Variants in NTRK3 observed in about 807,000 individuals in gnomAD.
NTRK3 encodes NT-3 growth factor receptor.
A neutral mutation model predicts 91.7 loss-of-function variants in NTRK3; 24 were observed. That is an observed-to-expected ratio of 0.26 (90% CI 0.19 to 0.37). The LOEUF is 0.37. NTRK3 is among the 10% of genes least tolerant of loss of function. The pLI is 1.00. For synonymous variants in NTRK3, 483 were observed against 404.0 expected (o/e 1.20, Z -2.34); for missense variants, 880 against 1,068.9 (o/e 0.82, Z 2.46).
At position 87,965,534 on chromosome 15, in the gene NTRK3, T is replaced by C. The variant is rs758968487; in HGVS notation, c.1586-24781A>G. Among the ~76,000 whole-genome samples, 19 of 152,254 alleles carry C rather than the reference T, an allele frequency of 1.2e-4. No individual in the cohort carries two copies. In the East Asian group the frequency reaches 1.4e-3, roughly 11 times the overall value. Reference sequence around the variant, plus strand: ...GCAACTGGGTGGGCCTGTAAGAGCATTGCCCCAGTGTGGAGACTGTCCAGC... The same window carrying C: ...GCAACTGGGTGGGCCTGTAAGAGCACTGCCCCAGTGTGGAGACTGTCCAGC... On this transcript the variant is annotated intron_variant, in intron 14 of 18. Coordinates refer to ENST00000394480, the Ensembl canonical transcript of NTRK3.
At chr15:87,949,432 G>A (rs1403611011) in intron 14 of NTRK3, among the ~76,000 whole-genome samples, 2 of 151,908 alleles carry the variant, frequency 1.3e-5, no homozygotes, top group Non-Finnish European at 2.9e-5. Context: ...TAGGCTAGAG[G>A]TAGCAGTCTA....
intron 13 of NTRK3, among the ~76,000 whole-genome samples, chr15:88,047,472 G>A (rs2080330522): frequency 6.6e-6 from 1 of 152,174 alleles, no homozygotes; most frequent in Middle Eastern, 3.4e-3. Flanking sequence ...ATGTATAAAT[G>A]CATATTATTT....
chr15:87,952,466 G>A (rs939658764), intron 14 of NTRK3, among the ~76,000 whole-genome samples: 1 of 152,080 alleles, frequency 6.6e-6, no homozygotes, highest in Non-Finnish European at 1.5e-5. Context: ...GTGTGCAGTG[G>A]AGCGCTGGTG....
intron 17 of NTRK3, among the ~76,000 whole-genome samples, chr15:87,915,529 T>A (rs1212779715): frequency 6.6e-6 from 1 of 152,240 alleles, no homozygotes; most frequent in East Asian, 1.9e-4. Flanking sequence ...CCTCCTGGGC[T>A]TCCAACAGAT....
At chr15:87,894,749 G>T (rs1206233492) in intron 17 of NTRK3, among the ~76,000 whole-genome samples, 1 of 152,100 alleles carries the variant, frequency 6.6e-6, no homozygotes, top group Non-Finnish European at 1.5e-5. Context: ...ACATATGCAA[G>T]AGGCTGCCAG....
intron 14 of NTRK3, among the ~76,000 whole-genome samples, chr15:88,015,024 C>T (rs2077130517): frequency 6.6e-6 from 1 of 152,212 alleles, no homozygotes; most frequent in African/African-American, 2.4e-5. Context: ...AGATCGCTCT[C>T]ATTTTCTACA....
chr15:88,009,017 C>G (rs1428177549), intron 14 of NTRK3, among the ~76,000 whole-genome samples: 1 of 152,146 alleles, frequency 6.6e-6, no homozygotes. Flanking sequence ...ATTTTGTTTT[C>G]TTTCTGCCTC....
chr15:88,016,240 G>C (rs2077223823), intron 14 of NTRK3, among the ~76,000 whole-genome samples: 1 of 152,128 alleles, frequency 6.6e-6, no homozygotes, highest in African/African-American at 2.4e-5. Flanking sequence ...GTTTTCTAAA[G>C]AGACATAGAG....
Position 87,907,632 on chromosome 15 carries a change from C to A in NTRK3, c.2133+21559G>T, listed in dbSNP as rs190970713. Among the ~76,000 whole-genome samples, 1,373 of 152,224 alleles carry A rather than the reference C, an allele frequency of 9.0e-3. 12 individuals are homozygous for A. Among genetic ancestry groups the A allele is most frequent in the Non-Finnish European group, 0.015 (1,009 of 68,012 alleles). On this transcript the variant is annotated intron_variant, in intron 17 of 18. Transcript: ENST00000394480. ...GCAGCCTCTGGCCTGTGGAAAGCCT[C>A]TCAAGATGGCAAGCAGAACTTGTGT...
At chr15:88,036,223 C>T (rs1467125318) in intron 13 of NTRK3, among the ~76,000 whole-genome samples, 1 of 151,980 alleles carries the variant, frequency 6.6e-6, no homozygotes, top group Non-Finnish European at 1.5e-5. Flanking sequence ...TATATCAAGG[C>T]ACACAATTAC....
intron 13 of NTRK3, among the ~76,000 whole-genome samples, chr15:88,055,681 A>T (rs2045614631): frequency 1.3e-5 from 2 of 152,190 alleles, no homozygotes; most frequent in Admixed American, 6.5e-5. Context: ...GCCCAAGTTC[A>T]CTCAATCAAC....
intron 13 of NTRK3, among the ~76,000 whole-genome samples, chr15:88,120,018 C>T (rs566644339): frequency 6.6e-6 from 1 of 152,296 alleles, no homozygotes; most frequent in East Asian, 1.9e-4. Context: ...GAAATGCCAA[C>T]CTACAGCATC....
intron 17 of NTRK3, among the ~76,000 whole-genome samples, chr15:87,918,873 G>A (rs536632270): frequency 1.3e-5 from 2 of 152,266 alleles, no homozygotes; most frequent in East Asian, 1.9e-4. Context: ...TCATGAGAGG[G>A]AAGTGTTAAC....
chr15:88,215,217 C>T (rs2049644917), intron 3 of NTRK3, among the ~76,000 whole-genome samples: 2 of 152,200 alleles, frequency 1.3e-5, no homozygotes, highest in Admixed American at 6.5e-5. Flanking sequence ...AAAAACATCC[C>T]GGTTTGTTCA....
intron 13 of NTRK3, among the ~76,000 whole-genome samples, chr15:88,075,131 G>A (rs1372687006): frequency 6.6e-6 from 1 of 152,152 alleles, no homozygotes; most frequent in Non-Finnish European, 1.5e-5. Context: ...CATGTAAACT[G>A]TACAGTGACC....
At chr15:87,932,188 T>C (rs2068859310) in intron 16 of NTRK3, among the ~76,000 whole-genome samples, 2 of 152,196 alleles carry the variant, frequency 1.3e-5, no homozygotes, top group South Asian at 4.1e-4. Flanking sequence ...CCAGTTACAT[T>C]AAGAGCCCTC....
rs114973298 is a variant in NTRK3 at position 88,194,047 on chromosome 15, T to C, written c.249-9748A>G. Among the ~76,000 whole-genome samples, 1,358 of 152,318 alleles carry C rather than the reference T, an allele frequency of 8.9e-3. 24 individuals carry two copies. Among genetic ancestry groups the C allele is most frequent in the African/African-American group, 0.031 (1,291 of 41,584 alleles). On this transcript the variant is annotated intron_variant, in intron 3 of 18. Transcript: ENST00000394480. Reference sequence around the variant, plus strand: ...GTGATTTTTATGTTTGCAAATCCAATCGACTCTTCTCTGTCACCCATTATT... The same window carrying C: ...GTGATTTTTATGTTTGCAAATCCAACCGACTCTTCTCTGTCACCCATTATT...
chr15:88,147,141 G>C (rs1040607301), intron 6 of NTRK3, among the ~76,000 whole-genome samples, 194 bp downstream of exon 6: 2 of 152,098 alleles, frequency 1.3e-5, no homozygotes, highest in African/African-American at 4.8e-5. Context: ...ATTGTGCCCA[G>C]AAAGAGCATC....
At chr15:88,112,142 G>A (rs1268272339) in intron 13 of NTRK3, among the ~76,000 whole-genome samples, 12 of 152,202 alleles carry the variant, frequency 7.9e-5, no homozygotes, top group Admixed American at 2.0e-4. Context: ...TCCTGACCTC[G>A]TGATCCGCCC....
Sources: allele counts gnomAD v4.1 joint callset (sites outside exome capture counted in the v4.1 genomes callset), GRCh38; gene constraint gnomAD v4.1.1; transcripts MANE v1.5; gene names NCBI Gene and HGNC (gene_info 2026-07-23, HGNC 2026-07-21).